The following SLC25A26 variants were observed in gnomAD, a reference collection of about 807,000 sequenced individuals.
The protein encoded by SLC25A26 is solute carrier family 25 member 26.
A neutral mutation model predicts 37.8 loss-of-function variants in SLC25A26; 36 were observed. The observed-to-expected ratio is 0.95, with a 90% CI of 0.73 to 1.26. The LOEUF is 1.26. Among genes scored for constraint, SLC25A26 ranks in the 50% most tolerant of loss-of-function variants. The pLI, the probability that SLC25A26 is intolerant of heterozygous loss-of-function variation, is 0.00. For synonymous variants in SLC25A26, 129 were observed against 122.5 expected, an observed-to-expected ratio of 1.05 and a Z score of -0.35; for missense variants, 390 against 331.1, an observed-to-expected ratio of 1.18 and a Z score of -1.38.
intron 1 of SLC25A26, among the ~76,000 whole-genome samples, chr3:66,231,968 C>T (rs947973044): frequency 2.0e-5 from 3 of 152,048 alleles, no homozygotes; most frequent in Non-Finnish European, 4.4e-5. Flanking sequence ...TGTAGCAATT[C>T]ATTATTTGTG....
chr3:66,213,399 CAAAAAAAAAAAAAA>C (rs1169648803), intron 1 of SLC25A26, among the ~76,000 whole-genome samples: 5 of 28,830 alleles, frequency 1.7e-4, no homozygotes, highest in African/African-American at 4.2e-4. Flanking sequence ...GACTCTGTCT[CAAAAAAAAAAAAAA>C]AAAAAAAAAA....
chr3:66,311,874 A>G (rs1248729552), intron 5 of SLC25A26, among the ~76,000 whole-genome samples: 3 of 152,138 alleles, frequency 2.0e-5, no homozygotes, highest in African/African-American at 2.4e-5. Flanking sequence ...GCTTTGTCCC[A>G]GAGGGGCACA....
intron 5 of SLC25A26, among the ~76,000 whole-genome samples, chr3:66,334,347 C>T (rs996940496): frequency 6.6e-6 from 1 of 152,150 alleles, no homozygotes; most frequent in Non-Finnish European, 1.5e-5. Flanking sequence ...CAGAGTCTTG[C>T]TCTGTCGCCC....
At chr3:66,361,001 A>G (rs770445411) in intron 6 of SLC25A26, among the ~76,000 whole-genome samples, 3 of 152,268 alleles carry the variant, frequency 2.0e-5, no homozygotes, top group Non-Finnish European at 2.9e-5. Flanking sequence ...AAGATTCATT[A>G]TAAAGTTACA....
At chr3:66,377,667 A>T in intron 9 of SLC25A26, 23 bp from the exon 10 acceptor site, 1 of 1,583,114 alleles carries the variant, frequency 6.3e-7, no homozygotes, top group Non-Finnish European at 8.7e-7. Flanking sequence ...GCACAACATT[A>T]AAAATCCTGT....
At chr3:66,232,731 C>T (rs2072092153) in intron 1 of SLC25A26, among the ~76,000 whole-genome samples, 1 of 152,176 alleles carries the variant, frequency 6.6e-6, no homozygotes, top group Admixed American at 6.5e-5. Context: ...TGGAGGGGCT[C>T]CAGAACCTCC....
intron 5 of SLC25A26, among the ~76,000 whole-genome samples, chr3:66,330,664 T>G (rs1208577180): frequency 6.6e-6 from 1 of 151,614 alleles, no homozygotes; most frequent in African/African-American, 2.4e-5. Context: ...GGTAGGCATT[T>G]TTTTTTTGTC....
chr3:66,154,121 G>A (rs2070244150), intron 1 of SLC25A26, among the ~76,000 whole-genome samples: 1 of 152,006 alleles, frequency 6.6e-6, no homozygotes, highest in East Asian at 1.9e-4. Flanking sequence ...TATAAAACTC[G>A]GGCACCAGAC....
chr3:66,226,815 G>C (rs965290767), intron 1 of SLC25A26, among the ~76,000 whole-genome samples: 1 of 151,936 alleles, frequency 6.6e-6, no homozygotes, highest in African/African-American at 2.4e-5. Flanking sequence ...GGTGTCACAG[G>C]TATGAGCCAC....
chr3:66,332,981 G>T (rs754321696), intron 5 of SLC25A26, among the ~76,000 whole-genome samples: 72 of 152,128 alleles, frequency 4.7e-4, no homozygotes, highest in African/African-American at 1.7e-3. Context: ...TGTGTTTGGG[G>T]TTTGCTACTT....
At chr3:66,279,517 T>G (rs921313652) in intron 5 of SLC25A26, among the ~76,000 whole-genome samples, 29 of 152,286 alleles carry the variant, frequency 1.9e-4, no homozygotes, top group African/African-American at 7.0e-4. Flanking sequence ...GATTCTGATT[T>G]TTTTGGGGAG....
intron 1 of SLC25A26, among the ~76,000 whole-genome samples, chr3:66,172,228 C>T (rs529771115): frequency 3.6e-4 from 54 of 151,846 alleles, no homozygotes; most frequent in African/African-American, 1.2e-3. Flanking sequence ...CTGAGCAACA[C>T]GGCAAAACCC....
At chr3:66,315,048 TA>T (rs1196856483) in intron 5 of SLC25A26, among the ~76,000 whole-genome samples, 6 of 151,372 alleles carry the variant, frequency 4.0e-5, no homozygotes, top group South Asian at 2.1e-4. Context: ...TTTTTATTAA[TA>T]TTTTTTAAAA....
At chr3:66,282,156 C>T (rs1168046028) in intron 5 of SLC25A26, among the ~76,000 whole-genome samples, 4 of 152,104 alleles carry the variant, frequency 2.6e-5, no homozygotes, top group African/African-American at 7.2e-5. Flanking sequence ...GGACTACAGG[C>T]GCCTGCCACC....
intron 5 of SLC25A26, among the ~76,000 whole-genome samples, chr3:66,308,290 T>C (rs2075282105): frequency 6.6e-6 from 1 of 152,236 alleles, no homozygotes; most frequent in Admixed American, 6.5e-5. Context: ...ACTCATGATT[T>C]GGCTCTCTGA....
chr3:66,300,004 C>T (rs939370076), intron 5 of SLC25A26, among the ~76,000 whole-genome samples: 3 of 152,152 alleles, frequency 2.0e-5, no homozygotes, highest in African/African-American at 7.2e-5. Context: ...TCTTTGCACG[C>T]AGCATCTGAG....
At chr3:66,209,006 AG>A (rs2071226737) in intron 1 of SLC25A26, among the ~76,000 whole-genome samples, 2 of 16,462 alleles carry the variant, frequency 1.2e-4, no homozygotes, top group African/African-American at 9.1e-5. Context: ...ACCCATATAA[AG>A]GTATATATAT....
At chr3:66,289,217 A>G (rs1232572748) in intron 5 of SLC25A26, among the ~76,000 whole-genome samples, 1 of 152,016 alleles carries the variant, frequency 6.6e-6, no homozygotes, top group Non-Finnish European at 1.5e-5. Context: ...TAGATTCTGG[A>G]TATTAGCCCT....
intron 3 of SLC25A26, among the ~76,000 whole-genome samples, chr3:66,257,985 T>G (rs2073371680): frequency 1.3e-5 from 2 of 152,212 alleles, no homozygotes; most frequent in Non-Finnish European, 2.9e-5. Context: ...AGTAGGGTGC[T>G]TGGTTGCTTG....
Sources: gnomAD v4.1 joint callset for allele counts (sites outside exome capture counted in the v4.1 genomes callset) on GRCh38, gnomAD v4.1.1 for gene constraint, MANE v1.5 for transcripts, NCBI Gene and HGNC (gene_info 2026-07-23, HGNC 2026-07-21) for gene names.